Variants in BCOR observed in about 807,000 individuals in gnomAD.
BCOR encodes the protein BCL-6 corepressor.
BCOR carries 10 observed loss-of-function variants against 86.7 expected under a neutral mutation model. The observed-to-expected ratio is 0.12, with a 90% CI of 0.07 to 0.20. The LOEUF (loss-of-function observed/expected upper bound fraction) is 0.20, where lower values mean the gene tolerates loss of function less well. Ranked by LOEUF, BCOR falls within the 10% of genes least tolerant of loss-of-function variation. The pLI is 1.00. For synonymous variants in BCOR, 611 were observed against 609.0 expected, an observed-to-expected ratio of 1.00 and a Z score of -0.05; for missense variants, 1,259 against 1,452.1, an observed-to-expected ratio of 0.87 and a Z score of 2.16.
chrX:40,067,824 CAGGTCACT>C (rs1235475067), intron 6 of BCOR, among the ~76,000 whole-genome samples: 1 of 111,724 alleles, frequency 9.0e-6, no homozygotes, highest in African/African-American at 3.3e-5. Context: ...GGAGAGGCTC[CAGGTCACT>C]TTCCTGTACA....
Position 40,106,950 on chromosome X carries a change from CAG to C in BCOR, c.-40-28983_-40-28982del, listed in dbSNP as rs1420860591. ...CAGTGCTCCAGGAAGGTCTGGGCCACAGAGACTGTGACCAGGGGTGAAGAACT... is the reference window on the plus strand; with the variant it reads ...CAGTGCTCCAGGAAGGTCTGGGCCACAGACTGTGACCAGGGGTGAAGAACT... On this transcript the variant is annotated intron_variant, in intron 1 of 14. Coordinates refer to the BCOR transcript ENST00000342274. Among the ~76,000 whole-genome samples the C allele has an allele frequency of 2.7e-5, 3 of 110,546 alleles. No homozygotes were observed. The Admixed American group carries it at 2.9e-4, about 11-fold the overall frequency.
chrX:40,063,110 G>GGGGGT, intron 8 of BCOR, 39 bp from the exon 9 acceptor site: 2 of 644,530 alleles, frequency 3.1e-6, no homozygotes, highest in East Asian at 5.7e-5. Context: ...GGGCGGATGG[G>GGGGGT]AGACGGGAGA....
At chrX:40,071,842 A>G in intron 4 of BCOR, 152 bp from the exon 5 acceptor site, 1 of 462,490 alleles carries the variant, frequency 2.2e-6, no homozygotes, top group Non-Finnish European at 3.8e-6. Flanking sequence ...ATTCCTATAC[A>G]ACATCTATCA....
At chrX:40,169,934 C>T (rs182290730) in intron 1 of BCOR, among the ~76,000 whole-genome samples, 86 of 112,011 alleles carry the variant, frequency 7.7e-4, no homozygotes, top group African/African-American at 2.4e-3. Context: ...GGCGGTCCAG[C>T]CGGAGGCCCC....
At chrX:40,140,467 AAAACAAAC>A (rs780790114) in intron 1 of BCOR, among the ~76,000 whole-genome samples, 2 of 111,206 alleles carry the variant, frequency 1.8e-5, no homozygotes, top group Non-Finnish European at 3.8e-5. Context: ...GACCCCATTT[AAAACAAAC>A]AAACAAACAA....
At chrX:40,166,112 A>T (rs1217507495) in intron 1 of BCOR, among the ~76,000 whole-genome samples, 2 of 112,389 alleles carry the variant, frequency 1.8e-5, no homozygotes, top group East Asian at 5.6e-4. Context: ...CAGAGCTCCC[A>T]TCTTAAGCCC....
At position 40,063,786 on chromosome X, in the gene BCOR, C is replaced by G. The variant is rs372032523; in HGVS notation, c.3669G>C (p.Ser1223=). The G allele has an allele frequency of 8.3e-7, 1 of 1,211,802 alleles. No homozygotes were observed. Among genetic ancestry groups the G allele is most frequent in the Non-Finnish European group, 1.1e-6 (1 of 895,539 alleles). ...GCCGGCCAGGTTTGCCATCTGCTGC[C>G]GACACCTGCTGCTCCCATCGTTCTC... is the stretch of plus-strand genomic sequence containing the variant. ...HLRERWEQQV[S]AADGKPGRQS... is the part of the protein sequence containing the mutation. The change falls in exon 8 of 15, where the codon TCG becomes TCC. Residue 1223 remains serine, a synonymous_variant. Coordinates refer to ENST00000378444, the MANE Select transcript of BCOR (RefSeq NM_001123385.2).
chrX:40,059,852 T>C (rs971609253), intron 10 of BCOR, among the ~76,000 whole-genome samples: 9 of 112,829 alleles, frequency 8.0e-5, no homozygotes, highest in African/African-American at 2.6e-4. Context: ...AACTTAACCA[T>C]CACTACTAAA....
chrX:40,136,899 C>A (rs1229596175), intron 1 of BCOR, among the ~76,000 whole-genome samples: 1 of 112,541 alleles, frequency 8.9e-6, no homozygotes, highest in African/African-American at 3.2e-5. Context: ...AAGAGCCAGT[C>A]TCCATGGTTG....
At chrX:40,102,249 G>A (rs993469438), upstream of BCOR, among the ~76,000 whole-genome samples, 2 of 113,016 alleles carry the variant, frequency 1.8e-5, no homozygotes, top group African/African-American at 6.4e-5. Context: ...CAGCCTCTCC[G>A]TGGTTCCTAG....
chrX:40,102,410 T>C (rs766867761), upstream of BCOR, among the ~76,000 whole-genome samples: 10 of 113,701 alleles, frequency 8.8e-5, no homozygotes, highest in East Asian at 2.8e-3. Flanking sequence ...AGGAGGCTTC[T>C]GGGAGGCTGG....
At chrX:40,129,612 T>C (rs962474612) in intron 1 of BCOR, among the ~76,000 whole-genome samples, 3 of 109,965 alleles carry the variant, frequency 2.7e-5, no homozygotes, top group Non-Finnish European at 5.7e-5. Flanking sequence ...GGAAATGTCT[T>C]AGGGAGAAGG....
intron 1 of BCOR, among the ~76,000 whole-genome samples, chrX:40,084,140 G>A (rs1301817564): frequency 1.8e-5 from 2 of 111,744 alleles, no homozygotes; most frequent in Non-Finnish European, 3.8e-5. Context: ...ACGTGGGAGG[G>A]GTGCGAATCT....
intron 1 of BCOR, among the ~76,000 whole-genome samples, chrX:40,092,124 G>A (rs1482171029): frequency 8.9e-6 from 1 of 111,979 alleles, no homozygotes; most frequent in Non-Finnish European, 1.9e-5. Context: ...CCGCCCCGCC[G>A]CGCCTCTCCG....
chrX:40,128,060 A>G (rs1937565629), intron 1 of BCOR, among the ~76,000 whole-genome samples: 1 of 106,376 alleles, frequency 9.4e-6, no homozygotes, highest in South Asian at 4.1e-4. Context: ...CCCCATCTCT[A>G]CTAAAAATAC....
intron 1 of BCOR, among the ~76,000 whole-genome samples, chrX:40,083,688 G>T (rs1936218200): frequency 8.9e-6 from 1 of 112,283 alleles, no homozygotes; most frequent in Non-Finnish European, 1.9e-5. Flanking sequence ...TGCTGCTCGG[G>T]GCTCGCCCGC....
chrX:40,158,760 C>T (rs919428378), intron 1 of BCOR, among the ~76,000 whole-genome samples: 2 of 112,594 alleles, frequency 1.8e-5, no homozygotes, highest in African/African-American at 3.2e-5. Flanking sequence ...TTTAGGGCTC[C>T]TGATTGGAGA....
chrX:40,090,294 C>T (rs1429375076), intron 1 of BCOR, among the ~76,000 whole-genome samples: 1 of 113,397 alleles, frequency 8.8e-6, no homozygotes, highest in Non-Finnish European at 1.9e-5. Flanking sequence ...GGCGCCGGGG[C>T]GCTCACCCCG....
At chrX:40,079,167 T>C (rs1304745253) in intron 1 of BCOR, among the ~76,000 whole-genome samples, 1 of 111,620 alleles carries the variant, frequency 9.0e-6, no homozygotes, top group African/African-American at 3.3e-5. Context: ...TGTGAAATAA[T>C]TGGTGTGCAG....
Sources: allele counts gnomAD v4.1 joint callset (sites outside exome capture counted in the v4.1 genomes callset), GRCh38; gene constraint gnomAD v4.1.1; transcripts MANE v1.5; gene names NCBI Gene and HGNC (gene_info 2026-07-23, HGNC 2026-07-21).